CDC25A: variants seen among roughly 807,000 people sequenced by gnomAD.
CDC25A encodes the protein M-phase inducer phosphatase 1.
Under a neutral mutation model 64.6 loss-of-function variants are expected in CDC25A, and 17 were observed. The observed-to-expected ratio is 0.26, with a 90% CI of 0.18 to 0.39. The LOEUF is 0.39. Among genes scored for constraint, CDC25A ranks in the 10% least tolerant of loss-of-function variants. CDC25A has a pLI of 1.00. For missense variants in CDC25A, 473 were observed against 654.8 expected (o/e 0.72, Z 3.03); for synonymous variants, 229 against 238.6 (o/e 0.96, Z 0.37).
In CDC25A at chr3:48,158,900, G is replaced by A. The variant is rs2106674149; in HGVS notation, c.*45C>T. 6.2e-7 allele frequency: 1 copy of A among 1,610,396 alleles called. No individual in the cohort carries two copies. The highest frequency in any genetic ancestry group is 1.1e-5 in the South Asian group (1 of 90,788). ...TTCTCTGCAGCAAAGAGGGTAAAGG[G>A]GGATGGAGGGAAGCTTGGGCTGCTG... On this transcript the variant is annotated 3_prime_UTR_variant, in exon 15 of 15. Transcript: ENST00000302506.
rs1000818330 is a variant in CDC25A at position 48,158,163 on chromosome 3, T to C, written c.*782A>G. The C allele has an allele frequency of 6.5e-6, 1 of 152,680 alleles. No homozygotes were observed. Among genetic ancestry groups the C allele is most frequent in the Non-Finnish European group, 1.5e-5 (1 of 68,040 alleles). 9.5% of individuals were successfully genotyped at this position (152,680 alleles called of 1,614,324 possible). ...GAACAGGGCCACACCTCCCACCAAA[T>C]AGATATCGGTAGCCAGTGGTGGGTC... On this transcript the variant is annotated 3_prime_UTR_variant, in exon 15 of 15. Coordinates refer to ENST00000302506, the MANE Select transcript of CDC25A (RefSeq NM_001789.3).
intron 9 of CDC25A, among the ~76,000 whole-genome samples, chr3:48,172,694 T>C (rs1455038576): frequency 2.6e-5 from 4 of 152,158 alleles, no homozygotes; most frequent in Admixed American, 2.6e-4. Context: ...CGAAAGCCTG[T>C]CTCTACAAAA....
Position 48,157,338 on chromosome 3 carries a change from A to G in CDC25A, c.*1607T>C, listed in dbSNP as rs1346767378. The G allele has an allele frequency of 1.3e-5, 2 of 152,430 alleles. No homozygotes were observed. Among genetic ancestry groups the G allele is most frequent in the African/African-American group, 4.8e-5 (2 of 41,454 alleles). 9.4% of individuals were successfully genotyped at this position (152,430 alleles called of 1,614,324 possible). ...TCATTAACCAGTTGGAATCTGTCTC[A>G]ATGCGCGTGTAGGAAGAAGTCCTCT... On this transcript the variant is annotated 3_prime_UTR_variant, in exon 15 of 15. Coordinates refer to ENST00000302506, the MANE Select transcript of CDC25A (RefSeq NM_001789.3).
chr3:48,162,890 G>C (rs1158677153), intron 13 of CDC25A, among the ~76,000 whole-genome samples: 1 of 151,574 alleles, frequency 6.6e-6, no homozygotes, highest in Non-Finnish European at 1.5e-5. Context: ...AGTGGCTCAT[G>C]CCTGCAATCC....
At chr3:48,182,390 C>CA (rs1174741484) in intron 5 of CDC25A, among the ~76,000 whole-genome samples, 2 of 152,112 alleles carry the variant, frequency 1.3e-5, no homozygotes, top group African/African-American at 4.8e-5. Flanking sequence ...TCTAAAAGAA[C>CA]AAAAAAGCCA....
intron 12 of CDC25A, among the ~76,000 whole-genome samples, chr3:48,165,093 A>C (rs3731550): frequency 0.21 from 28,417 of 132,632 alleles, 3,775 homozygotes; most frequent in Non-Finnish European, 0.3. Context: ...CTGGCGACAG[A>C]GCGGACTCTG....
At chr3:48,183,760 T>A in intron 4 of CDC25A, 40 bp downstream of exon 4, 1 of 1,324,082 alleles carries the variant, frequency 7.6e-7, no homozygotes, top group Non-Finnish European at 1.1e-6. Context: ...AAGGAACAGA[T>A]AACAGGTATT....
rs1242182420 is a variant in CDC25A at position 48,157,184 on chromosome 3, T to C, written c.*1761A>G. On this transcript the variant is annotated 3_prime_UTR_variant, in exon 15 of 15. Coordinates refer to ENST00000302506, the MANE Select transcript of CDC25A (RefSeq NM_001789.3). ...CAAGAACTAGGCAGAGAGCATGGGT[T>C]CAAGATCTTTTATTTTCAGAGCTTC... The C allele has an allele frequency of 1.3e-5, 2 of 152,206 alleles. No homozygotes were observed. Among genetic ancestry groups the C allele is most frequent in the East Asian group, 3.9e-4 (2 of 5,194 alleles). The allele number at this position is 152,206 out of a possible 1,614,324, so 9.4% of individuals were successfully genotyped here. A position where few individuals can be genotyped will look rare whatever the true frequency, so the allele number is the denominator to read the frequency against.
At chr3:48,181,855 G>A (rs933427922) in intron 5 of CDC25A, 2 of 552,552 alleles carry the variant, frequency 3.6e-6, no homozygotes, top group Non-Finnish European at 6.4e-6. Flanking sequence ...ACAGTACTAA[G>A]TACTTTCTGT....
rs6771386 is a variant in CDC25A, at chr3:48,180,726, G to C, written c.544C>G (p.Arg182Gly). ...ATGAAAGCCAGAGCACATACCATCC[G>C]AGCTGGGGCAGAGTTCTGCCTCTGT... ...FTQRQNSAPA[R>G]MLSSNERDSS... Residue 182 changes from arginine to glycine, a missense_variant, in exon 6 of 15, where the codon CGG (arginine) becomes GGG (glycine). Around this residue, in one of 2 missense-constraint regions of CDC25A, gnomAD observed 376 missense variants for 431.9 expected, o/e 0.87. Transcript: ENST00000302506. 6.2e-7 allele frequency: 1 copy of C among 1,614,016 alleles called. No individual in the cohort carries two copies. Among genetic ancestry groups the C allele is most frequent in the Non-Finnish European group, 8.5e-7 (1 of 1,179,924 alleles).
At chr3:48,168,593 A>C (rs1046847287) in intron 9 of CDC25A, among the ~76,000 whole-genome samples, 19 of 149,212 alleles carry the variant, frequency 1.3e-4, no homozygotes, top group African/African-American at 4.7e-4. Context: ...TAAAACTAGG[A>C]TTAAGTTTAG....
chr3:48,159,014 G>T lies in CDC25A; in HGVS notation c.1506C>A (p.Arg502=). 6.2e-7 allele frequency: 1 copy of T among 1,614,158 alleles called. No individual in the cohort carries two copies. Among genetic ancestry groups the T allele is most frequent in the Non-Finnish European group, 8.5e-7 (1 of 1,180,016 alleles). Residue 502 remains arginine, a synonymous_variant, in exon 15 of 15, where the codon CGC becomes CGA. Coordinates refer to ENST00000302506, the MANE Select transcript of CDC25A (RefSeq NM_001789.3). ...EDFKEDLKKF[R]TKSRTWAGEK... ...CCCCTGCCCAGGTCCGGCTCTTGGT[G>T]CGGAACTTCTTCAGGTCTTCTTTAA...
rs2031632156 is a variant in CDC25A at position 48,158,837 on chromosome 3, C to G, written c.*108G>C. The G allele has an allele frequency of 4.3e-6, 6 of 1,379,972 alleles. No homozygotes were observed. The Admixed American group carries it at 1.3e-4, about 29-fold the overall frequency. The allele number at this position is 1,379,972 out of a possible 1,614,324, so 85.5% of individuals were successfully genotyped here. Reference sequence around the variant, plus strand: ...TTAAGGCATGGAAGTCCCAGGCCCCCTCTCCAAATGTCACACAGCTGTCCC... The same window carrying G: ...TTAAGGCATGGAAGTCCCAGGCCCCGTCTCCAAATGTCACACAGCTGTCCC... On this transcript the variant is annotated 3_prime_UTR_variant, in exon 15 of 15. Transcript: ENST00000302506.
rs2032605460 is a variant in CDC25A, at chr3:48,180,061, G to A, written c.549+660C>T. Among the ~76,000 whole-genome samples, 3 of 152,076 alleles carry A rather than the reference G, an allele frequency of 2.0e-5. No homozygotes were observed. In the South Asian group the frequency reaches 6.2e-4, roughly 31 times the overall value. On this transcript the variant is annotated intron_variant, in intron 6 of 14. Coordinates refer to ENST00000302506, the MANE Select transcript of CDC25A (RefSeq NM_001789.3). ...CGAGTGACCCCAAAACTGCCCAGCA[G>A]CCTGAGCATTCACTGTAATCCATAA...
chr3:48,157,442 G>A lies in CDC25A; in HGVS notation c.*1503C>T, dbSNP rs150274172. On this transcript the variant is annotated 3_prime_UTR_variant, in exon 15 of 15. Transcript: ENST00000302506. ...GTAACACAGCAACTAGCCATCTCCA[G>A]TATCACTGATTCCCACCCCAAGAAG... The A allele has an allele frequency of 2.5e-4, 38 of 152,712 alleles. No individual in the cohort carries two copies. Among genetic ancestry groups the A allele is most frequent in the African/African-American group, 9.1e-4 (38 of 41,550 alleles). The allele number at this position is 152,712 out of a possible 1,614,324, so 9.5% of individuals were successfully genotyped here. A position where few individuals can be genotyped will look rare whatever the true frequency, so the allele number is the denominator to read the frequency against.
At chr3:48,174,149 AC>A in intron 9 of CDC25A, 134 bp downstream of exon 9, 1 of 728,032 alleles carries the variant, frequency 1.4e-6, no homozygotes, top group Non-Finnish European at 2.2e-6. Flanking sequence ...ACACACACAC[AC>A]CCACACACAC....
chr3:48,179,542 T>A (rs1219300182), intron 6 of CDC25A, among the ~76,000 whole-genome samples: 1 of 152,116 alleles, frequency 6.6e-6, no homozygotes, highest in African/African-American at 2.4e-5. Flanking sequence ...GCTTATTTTT[T>A]AACTTTGTAC....
At chr3:48,166,998 C>T (rs1012057425) in intron 10 of CDC25A, among the ~76,000 whole-genome samples, 1 of 152,194 alleles carries the variant, frequency 6.6e-6, no homozygotes, top group African/African-American at 2.4e-5. Flanking sequence ...TCCTTCAAAA[C>T]CCATTTGGGC....
At chr3:48,182,808 C>G in intron 5 of CDC25A, 121 bp downstream of exon 5, 1 of 665,610 alleles carries the variant, frequency 1.5e-6, no homozygotes. Flanking sequence ...TTCTCTGACT[C>G]CAAAGACCGC....
Sources: allele counts gnomAD v4.1 joint callset (sites outside exome capture counted in the v4.1 genomes callset), GRCh38; gene constraint gnomAD v4.1.1; regional missense constraint gnomAD v4.1.1; transcripts MANE v1.5; gene names NCBI Gene and HGNC (gene_info 2026-07-23, HGNC 2026-07-21).